Variants in MARCHF1 observed in about 807,000 individuals in gnomAD.
MARCHF1 encodes membrane associated ring-CH-type finger 1.
Under a neutral mutation model 54.2 loss-of-function variants are expected in MARCHF1, and 40 were observed. The ratio of observed to expected loss-of-function variants is 0.74; its 90% CI spans 0.57 to 0.96. The LOEUF is 0.96. Among genes scored for constraint, MARCHF1 ranks in the 40% least tolerant of loss-of-function variants. The pLI is 0.00. For synonymous variants in MARCHF1, 236 were observed against 236.3 expected (o/e 1.00, Z 0.01); for missense variants, 586 against 656.5 (o/e 0.89, Z 1.17).
At chr4:164,316,497 T>C (rs1379681216) in intron 1 of MARCHF1, among the ~76,000 whole-genome samples, 1 of 151,876 alleles carries the variant, frequency 6.6e-6, no homozygotes, top group East Asian at 1.9e-4. Flanking sequence ...ATAAAAAGGA[T>C]AAGAAAAAAG....
chr4:164,026,191 T>C (rs569649719), intron 2 of MARCHF1, among the ~76,000 whole-genome samples: 19 of 152,194 alleles, frequency 1.2e-4, no homozygotes, highest in Admixed American at 9.8e-4. Flanking sequence ...GCTGAAACTA[T>C]TCCAAAAAAC....
intron 3 of MARCHF1, among the ~76,000 whole-genome samples, chr4:163,875,399 A>T (rs775556620): frequency 3.0e-4 from 45 of 152,270 alleles, no homozygotes; most frequent in Admixed American, 1.3e-3. Flanking sequence ...CTAAATCTTA[A>T]TAGTCTGTCA....
At chr4:163,745,549 A>G (rs1188841471) in intron 4 of MARCHF1, among the ~76,000 whole-genome samples, 1 of 152,226 alleles carries the variant, frequency 6.6e-6, no homozygotes, top group Non-Finnish European at 1.5e-5. Flanking sequence ...GCAGGTAAGT[A>G]TACTGAGTCC....
chr4:163,975,189 C>G (rs1405749915), intron 3 of MARCHF1, among the ~76,000 whole-genome samples: 6 of 135,374 alleles, frequency 4.4e-5, no homozygotes, highest in African/African-American at 2.0e-4. Flanking sequence ...CTCTCTCTCT[C>G]TCTCTCTCAC....
At chr4:164,357,760 A>G (rs1049803793) in intron 1 of MARCHF1, among the ~76,000 whole-genome samples, 1 of 152,212 alleles carries the variant, frequency 6.6e-6, no homozygotes, top group African/African-American at 2.4e-5. Flanking sequence ...GTGTCAATTG[A>G]TAACAACTAA....
intron 1 of MARCHF1, among the ~76,000 whole-genome samples, chr4:164,273,478 G>T (rs1733794564): frequency 6.6e-6 from 1 of 152,018 alleles, no homozygotes; most frequent in Admixed American, 6.6e-5. Flanking sequence ...CATATCAGTA[G>T]GCATGTGTTG....
intron 3 of MARCHF1, among the ~76,000 whole-genome samples, chr4:163,910,561 C>T (rs1751167862): frequency 6.6e-6 from 1 of 152,180 alleles, no homozygotes; most frequent in Non-Finnish European, 1.5e-5. Flanking sequence ...ATGGCGCGAT[C>T]TTGGCTCACT....
At chr4:164,382,506 T>C (rs1731397244) in intron 1 of MARCHF1, among the ~76,000 whole-genome samples, 1 of 151,964 alleles carries the variant, frequency 6.6e-6, no homozygotes, top group Non-Finnish European at 1.5e-5. Flanking sequence ...AATTCATACA[T>C]ACAAAATTAC....
intron 3 of MARCHF1, among the ~76,000 whole-genome samples, chr4:163,864,293 T>C (rs1310373421): frequency 6.6e-6 from 1 of 151,846 alleles, no homozygotes; most frequent in African/African-American, 2.4e-5. Flanking sequence ...ATTTCCCTCT[T>C]AAAAACACAT....
intron 1 of MARCHF1, among the ~76,000 whole-genome samples, chr4:164,342,716 AGT>A (rs1280592736): frequency 6.6e-6 from 1 of 152,048 alleles, no homozygotes; most frequent in Non-Finnish European, 1.5e-5. Flanking sequence ...AAAAAAACAA[AGT>A]GTCTATTGAT....
At chr4:164,141,557 G>A (rs949957812) in intron 1 of MARCHF1, among the ~76,000 whole-genome samples, 6 of 152,140 alleles carry the variant, frequency 3.9e-5, no homozygotes, top group African/African-American at 1.2e-4. Flanking sequence ...AACAAGATTA[G>A]CTCTCTTACG....
chr4:164,113,010 A>C (rs1374699662), intron 1 of MARCHF1, among the ~76,000 whole-genome samples: 1 of 151,740 alleles, frequency 6.6e-6, no homozygotes, highest in Non-Finnish European at 1.5e-5. Context: ...AAATTTGACA[A>C]ATTAAAGAAT....
intron 3 of MARCHF1, among the ~76,000 whole-genome samples, chr4:163,965,257 G>A (rs1348391257): frequency 1.3e-5 from 2 of 152,018 alleles, no homozygotes; most frequent in East Asian, 1.9e-4. Flanking sequence ...CCATTCAAAC[G>A]TGGGAAGGAT....
intron 1 of MARCHF1, among the ~76,000 whole-genome samples, chr4:164,209,305 A>G (rs952330123): frequency 6.6e-6 from 1 of 152,192 alleles, no homozygotes; most frequent in African/African-American, 2.4e-5. Context: ...CTTGGACAAT[A>G]TATCTTCCAA....
At chr4:163,793,846 C>A (rs1423645741) in intron 4 of MARCHF1, among the ~76,000 whole-genome samples, 1 of 152,082 alleles carries the variant, frequency 6.6e-6, no homozygotes, top group Non-Finnish European at 1.5e-5. Context: ...TCATGCAGAC[C>A]CCCTTAGAGC....
At chr4:163,788,439 T>A (rs912047905) in intron 4 of MARCHF1, among the ~76,000 whole-genome samples, 1 of 152,006 alleles carries the variant, frequency 6.6e-6, no homozygotes, top group Admixed American at 6.6e-5. Context: ...CTGTTCAGGA[T>A]CCAATCAGGA....
intron 9 of MARCHF1, among the ~76,000 whole-genome samples, chr4:163,529,567 A>G (rs1738274152): frequency 6.6e-6 from 1 of 152,032 alleles, no homozygotes; most frequent in Non-Finnish European, 1.5e-5. Flanking sequence ...GAGGGAGGGG[A>G]AGGAAAAAGC....
At chr4:164,351,415 G>C (rs567114550) in intron 1 of MARCHF1, among the ~76,000 whole-genome samples, 2 of 150,736 alleles carry the variant, frequency 1.3e-5, no homozygotes, top group East Asian at 2.0e-4. Flanking sequence ...CTGGAGATCT[G>C]AGAATGGGCA....
At chr4:163,583,795 T>C (rs10025792) in intron 8 of MARCHF1, 1 of 150,728 alleles carries the variant, frequency 6.6e-6, no homozygotes, top group African/African-American at 2.4e-5. Flanking sequence ...AACTACAGGT[T>C]TGTGCTACCA....
Sources: gnomAD v4.1 joint callset for allele counts (sites outside exome capture counted in the v4.1 genomes callset) on GRCh38, gnomAD v4.1.1 for gene constraint, MANE v1.5 for transcripts, NCBI Gene and HGNC (gene_info 2026-07-23, HGNC 2026-07-21) for gene names.